Variants in PCDHGA2 observed in about 807,000 individuals in gnomAD.
The protein encoded by PCDHGA2 is protocadherin gamma subfamily A, 2, also known as protocadherin gamma-A2.
Under a neutral mutation model 59.2 loss-of-function variants are expected in PCDHGA2, and 40 were observed. The observed-to-expected ratio is 0.68, with a 90% confidence interval of 0.52 to 0.88. PCDHGA2 has a LOEUF of 0.88. Ranked by LOEUF, PCDHGA2 falls within the 40% of genes least tolerant of loss-of-function variation. PCDHGA2 has a pLI of 0.00. For missense variants in PCDHGA2, 1,226 were observed against 1,204.0 expected (o/e 1.02, Z -0.27); for synonymous variants, 560 against 526.0 (o/e 1.06, Z -0.89).
intron 1 of PCDHGA2, chr5:141,345,420 G>A: frequency 6.2e-7 from 1 of 1,613,994 alleles, no homozygotes; most frequent in Non-Finnish European, 8.5e-7. Context: ...CTACATTCCA[G>A]AAAACAACCC....
At chr5:141,507,858 AC>A (rs2099864314) in intron 3 of PCDHGA2, among the ~76,000 whole-genome samples, 1 of 151,748 alleles carries the variant, frequency 6.6e-6, no homozygotes, top group African/African-American at 2.4e-5. Flanking sequence ...TCACTTTCAC[AC>A]CCGCTTCCTA....
Position 141,491,905 on chromosome 5 carries a change from G to A in PCDHGA2, c.2425-2902G>A. 7.1e-7 allele frequency: 1 copy of A among 1,418,328 alleles called. No individual in the cohort carries two copies. Among genetic ancestry groups the A allele is most frequent in the Non-Finnish European group, 9.3e-7 (1 of 1,069,952 alleles). 87.9% of individuals were successfully genotyped at this position (1,418,328 alleles called of 1,614,324 possible). ...GATGGGGCTCCGAGCACCGGGGGTG[G>A]TGGCGACTGTGGGCGAGGGGAGGTG... On this transcript the variant is annotated intron_variant, in intron 1 of 3. Transcript: ENST00000394576. This position sits in a 1 kb window ranked among gnomAD's most constrained non-coding sequence, Gnocchi z 6.9.
At chr5:141,376,679 T>TTTTTG in intron 1 of PCDHGA2, 5 of 528,402 alleles carry the variant, frequency 9.5e-6, no homozygotes, top group Admixed American at 9.3e-5. Context: ...GGGTATCGTT[T>TTTTTG]TTTTTTTTTT....
intron 1 of PCDHGA2, chr5:141,375,441 C>G (rs904228732): frequency 6.2e-7 from 1 of 1,614,030 alleles, no homozygotes. Context: ...CCCACCTTCC[C>G]CCATTCATCC....
intron 2 of PCDHGA2, among the ~76,000 whole-genome samples, chr5:141,499,022 A>C (rs1244590420): frequency 2.7e-5 from 4 of 150,722 alleles, no homozygotes; most frequent in Admixed American, 2.0e-4. Context: ...GGAAGGAAGG[A>C]AGGAAGAAAA....
In PCDHGA2 at chr5:141,505,380, A is replaced by C; in HGVS notation, c.2484-13A>C. On this transcript the variant is annotated splice_polypyrimidine_tract_variant and intron_variant, in intron 2 of 3. Coordinates refer to ENST00000394576, the MANE Select transcript of PCDHGA2 (RefSeq NM_018915.4). ...CCTGGGAGTCTGTGCTCACCATCCT[A>C]CTCTCTCCCCAGCTCCCAAAATGGC... 1 of 1,613,480 alleles carries C rather than the reference A, an allele frequency of 6.2e-7. No homozygotes were observed. Among genetic ancestry groups the C allele is most frequent in the Non-Finnish European group, 8.5e-7 (1 of 1,179,856 alleles).
Position 141,418,262 on chromosome 5 carries a change from A to G in PCDHGA2, c.2425-76545A>G. On this transcript the variant is annotated intron_variant, in intron 1 of 3. Transcript: ENST00000394576. Reference sequence around the variant, plus strand: ...TAATGACCACGCCCCTCAATTCCGGAAAGATGAAATAAACTTAGAAATCAG... The same window carrying G: ...TAATGACCACGCCCCTCAATTCCGGGAAGATGAAATAAACTTAGAAATCAG... 2 of 1,614,068 alleles carry G rather than the reference A, an allele frequency of 1.2e-6. No homozygotes were observed. The highest frequency in any genetic ancestry group is 1.7e-6 in the Non-Finnish European group (2 of 1,179,902).
At position 141,484,465 on chromosome 5, in the gene PCDHGA2, A is replaced by G. The variant is rs2099596840; in HGVS notation, c.2425-10342A>G. On this transcript the variant is annotated intron_variant, in intron 1 of 3. Coordinates refer to ENST00000394576, the MANE Select transcript of PCDHGA2 (RefSeq NM_018915.4). ...ATTTAATTGGCTACGTTAATGTGTA[A>G]GCCTTTTCTGCAAAGAGATGGATCC... is the stretch of plus-strand genomic sequence containing the variant. Among the ~76,000 whole-genome samples, 4 of 152,236 alleles carry G rather than the reference A, an allele frequency of 2.6e-5. No individual in the cohort carries two copies. In the South Asian group the frequency reaches 6.2e-4, roughly 24 times the overall value.
At chr5:141,374,200 G>A (rs372035857) in intron 1 of PCDHGA2, 17 of 1,613,778 alleles carry the variant, frequency 1.1e-5, no homozygotes, top group African/African-American at 2.7e-5. Context: ...CCGAGGAGCT[G>A]GAGAAAGGCT....
chr5:141,355,727 G>A (rs779454610), intron 1 of PCDHGA2: 3 of 1,613,856 alleles, frequency 1.9e-6, no homozygotes, highest in Non-Finnish European at 2.5e-6. Flanking sequence ...AACTCAAACG[G>A]TTACTTTTCC....
At chr5:141,423,294 C>T (rs1222440954) in intron 1 of PCDHGA2, 22 of 1,614,036 alleles carry the variant, frequency 1.4e-5, no homozygotes, top group Admixed American at 1.3e-4. Flanking sequence ...AAACCTCAGA[C>T]CTCTCGCTGT....
At chr5:141,370,791 T>C (rs1354354873) in intron 1 of PCDHGA2, 2 of 1,614,022 alleles carry the variant, frequency 1.2e-6, no homozygotes, top group Non-Finnish European at 1.7e-6. Flanking sequence ...CCCACCGACC[T>C]TTAGCCAAAA....
chr5:141,370,380 G>C (rs1407234552), intron 1 of PCDHGA2: 1 of 1,532,358 alleles, frequency 6.5e-7, no homozygotes, highest in Non-Finnish European at 8.8e-7. Context: ...GAAAGGCAAA[G>C]GCGCAGAGAG....
chr5:141,468,598 G>A (rs1250884127), intron 1 of PCDHGA2: 1 of 152,228 alleles, frequency 6.6e-6, no homozygotes, highest in African/African-American at 2.4e-5. Context: ...TGGGCGCGGT[G>A]GCTCACGCCT....
chr5:141,388,007 G>A (rs2091194433), intron 1 of PCDHGA2: 1 of 1,480,702 alleles, frequency 6.8e-7, no homozygotes, highest in Non-Finnish European at 9.1e-7. Context: ...CCGAGGAAAT[G>A]CCCAAGGGCT....
In PCDHGA2 at chr5:141,432,115, C is replaced by G. The variant is rs753088299; in HGVS notation, c.2425-62692C>G. On this transcript the variant is annotated intron_variant, in intron 1 of 3. Transcript: ENST00000394576. This position sits in a 1 kb window ranked among gnomAD's most constrained non-coding sequence, Gnocchi z 6.0. ...ACACCAACGACAACCCGCCGGTCTT[C>G]CCTCAGGCCTCCTATTCCGCTTATA... The G allele has an allele frequency of 1.2e-5, 20 of 1,614,178 alleles. No individual in the cohort carries two copies. Among genetic ancestry groups the G allele is most frequent in the Non-Finnish European group, 1.6e-5 (19 of 1,180,050 alleles).
In PCDHGA2 at chr5:141,339,359, GC is replaced by G; in HGVS notation, c.392del (p.Pro131LeufsTer5). The G allele has an allele frequency of 6.2e-7, 1 of 1,614,180 alleles. No homozygotes were observed. Reference protein sequence around the residue: ...EVEITDINDNAPRFGVEELEL... With the variant: ...EVEITDINDNXPRFGVEELEL... Reference sequence around the variant, plus strand: ...GGAAATAACAGATATTAACGATAATGCCCCTCGCTTTGGAGTAGAGGAACTG... The same window carrying G: ...GGAAATAACAGATATTAACGATAATGCCCTCGCTTTGGAGTAGAGGAACTG... On this transcript the variant is annotated frameshift_variant, in exon 1 of 4. Coordinates refer to ENST00000394576, the MANE Select transcript of PCDHGA2 (RefSeq NM_018915.4). LOFTEE classifies it high-confidence loss of function.
rs561548499 is a variant in PCDHGA2, at chr5:141,414,930, C to T, written c.2424+73535C>T. On this transcript the variant is annotated intron_variant, in intron 1 of 3. Coordinates refer to ENST00000394576, the MANE Select transcript of PCDHGA2 (RefSeq NM_018915.4). ...CAGGCGTGGAGCTGGCGCCCCGCTC[C>T]GCAGAGCCCGGCTACCTGGTGACCA... 1.9e-6 allele frequency: 3 copies of T among 1,614,156 alleles called. No homozygotes were observed. The South Asian group carries it at 3.3e-5, about 18-fold the overall frequency.
chr5:141,483,245 A>G (rs2099578786), intron 1 of PCDHGA2, among the ~76,000 whole-genome samples: 1 of 151,456 alleles, frequency 6.6e-6, no homozygotes, highest in Non-Finnish European at 1.5e-5. Flanking sequence ...TGATATGCAT[A>G]TATCATGAGG....
Sources: gnomAD v4.1 joint callset for allele counts (sites outside exome capture counted in the v4.1 genomes callset) on GRCh38, gnomAD v4.1.1 for gene constraint, Gnocchi (gnomAD v3.1) non-coding constraint, MANE v1.5 for transcripts, NCBI Gene and HGNC (gene_info 2026-07-23, HGNC 2026-07-21) for gene names.